The following CTNND2 variants were observed in gnomAD, a reference collection of about 807,000 sequenced individuals.
CTNND2 encodes catenin delta 2.
CTNND2 carries 22 observed loss-of-function variants against 144.4 expected under a neutral mutation model. The observed-to-expected ratio is 0.15, with a 90% CI of 0.11 to 0.22. CTNND2 has a LOEUF of 0.22. Ranked by LOEUF, CTNND2 falls within the 10% of genes least tolerant of loss-of-function variation. CTNND2 has a pLI of 1.00. For synonymous variants in CTNND2, 751 were observed against 695.6 expected (o/e 1.08, Z -1.25); for missense variants, 1,353 against 1,618.8 (o/e 0.84, Z 2.82).
intron 2 of CTNND2, among the ~76,000 whole-genome samples, chr5:11,623,802 G>GTA (rs1561631097): frequency 1.3e-4 from 5 of 38,544 alleles, no homozygotes; most frequent in African/African-American, 5.3e-4. Flanking sequence ...ATATATATGT[G>GTA]TGTATGTATA....
chr5:11,089,517 T>C (rs1258274522), intron 15 of CTNND2, among the ~76,000 whole-genome samples: 1 of 152,248 alleles, frequency 6.6e-6, no homozygotes, highest in Non-Finnish European at 1.5e-5. Context: ...TTGTCTTGTC[T>C]TTTTTGGCCC....
At chr5:11,151,337 G>T (rs1757742405) in intron 12 of CTNND2, among the ~76,000 whole-genome samples, 2 of 152,170 alleles carry the variant, frequency 1.3e-5, no homozygotes, top group African/African-American at 4.8e-5. Flanking sequence ...GCAGCAGGAA[G>T]AAAAATTACA....
chr5:11,142,248 C>T (rs1419338432), intron 12 of CTNND2, among the ~76,000 whole-genome samples: 1 of 152,196 alleles, frequency 6.6e-6, no homozygotes, highest in Non-Finnish European at 1.5e-5. Context: ...GATGCCAATA[C>T]TAATGTACTC....
At chr5:11,450,923 AT>A (rs1765261189) in intron 3 of CTNND2, among the ~76,000 whole-genome samples, 5 of 139,018 alleles carry the variant, frequency 3.6e-5, no homozygotes, top group African/African-American at 1.4e-4. Flanking sequence ...AAAAAAAAAA[AT>A]GTGTTCCAAA....
chr5:11,164,942 T>G (rs1759155795), intron 11 of CTNND2, among the ~76,000 whole-genome samples: 1 of 152,122 alleles, frequency 6.6e-6, no homozygotes, highest in Non-Finnish European at 1.5e-5. Context: ...AGCTACAGAA[T>G]CCCTGGCATA....
At chr5:11,508,654 G>C (rs1266382720) in intron 3 of CTNND2, among the ~76,000 whole-genome samples, 1 of 152,212 alleles carries the variant, frequency 6.6e-6, no homozygotes, top group East Asian at 1.9e-4. Flanking sequence ...GTTCACACCT[G>C]TAATCCCAGC....
chr5:11,244,917 T>C (rs1313331234), intron 9 of CTNND2, among the ~76,000 whole-genome samples: 1 of 152,168 alleles, frequency 6.6e-6, no homozygotes, highest in Non-Finnish European at 1.5e-5. Context: ...CATATAAAAT[T>C]TGTATTATTA....
rs138484266 is a variant in CTNND2, at chr5:11,196,957, T to C, written c.1975+2491A>G. On this transcript the variant is annotated intron_variant, in intron 11 of 21. Transcript: ENST00000304623. ...GCTGGCTTTGGCTTGCTTTACATCATTGAGGCAATGACTGTGCAGATGTCA... is the reference window on the plus strand; with the variant it reads ...GCTGGCTTTGGCTTGCTTTACATCACTGAGGCAATGACTGTGCAGATGTCA... Among the ~76,000 whole-genome samples, 205 of 152,346 alleles carry C rather than the reference T, an allele frequency of 1.3e-3. 2 individuals are homozygous for C. Among genetic ancestry groups the C allele is most frequent in the Middle Eastern group, 6.8e-3 (2 of 294 alleles).
intron 7 of CTNND2, among the ~76,000 whole-genome samples, chr5:11,376,322 G>GTGCGTGTGTGTGTGTTCATGTATC (rs60937559): frequency 0.76 from 111,264 of 145,774 alleles, 42,683 homozygotes; most frequent in Non-Finnish European, 0.83. Flanking sequence ...TTGTGTGTGT[G>GTGCGTGTGTGTGTGTTCATGTATC]TGTGTGTGTG....
intron 3 of CTNND2, among the ~76,000 whole-genome samples, chr5:11,474,115 A>T (rs1182448233): frequency 1.3e-5 from 2 of 152,254 alleles, no homozygotes; most frequent in East Asian, 3.8e-4. Flanking sequence ...TTGTCTGGAG[A>T]AAAACCTTCA....
chr5:11,809,520 A>G (rs189560433), intron 1 of CTNND2, among the ~76,000 whole-genome samples: 107 of 152,346 alleles, frequency 7.0e-4, no homozygotes, highest in Middle Eastern at 6.8e-3. Context: ...ACAAATGATC[A>G]ACAAAGAGTA....
At chr5:11,090,333 A>G (rs1302841463) in intron 15 of CTNND2, among the ~76,000 whole-genome samples, 1 of 152,210 alleles carries the variant, frequency 6.6e-6, no homozygotes, top group African/African-American at 2.4e-5. Flanking sequence ...ATGTACAGGT[A>G]GTTTTACAAG....
intron 2 of CTNND2, among the ~76,000 whole-genome samples, chr5:11,599,743 G>A (rs1779685615): frequency 6.6e-6 from 1 of 152,272 alleles, no homozygotes; most frequent in African/African-American, 2.4e-5. Context: ...CGAAAATGGA[G>A]TTTAGACTTT....
intron 1 of CTNND2, among the ~76,000 whole-genome samples, chr5:11,808,752 A>G (rs1450238202): frequency 6.6e-6 from 1 of 152,208 alleles, no homozygotes. Flanking sequence ...TTCCTAACAC[A>G]GTAATGTTTC....
At chr5:11,081,711 C>T (rs143580201) in intron 16 of CTNND2, among the ~76,000 whole-genome samples, 9 of 152,248 alleles carry the variant, frequency 5.9e-5, no homozygotes, top group African/African-American at 1.7e-4. Context: ...AATCCTTATG[C>T]TAAGTGAAAA....
chr5:11,393,166 G>A (rs1280588605), intron 6 of CTNND2, among the ~76,000 whole-genome samples: 1 of 152,194 alleles, frequency 6.6e-6, no homozygotes, highest in Non-Finnish European at 1.5e-5. Flanking sequence ...AAATAGATAA[G>A]CCAGATCAAA....
chr5:11,464,108 C>T (rs1414971337), intron 3 of CTNND2, among the ~76,000 whole-genome samples: 1 of 152,146 alleles, frequency 6.6e-6, no homozygotes, highest in Non-Finnish European at 1.5e-5. Flanking sequence ...TTTGTTCATT[C>T]ATTCATCTGA....
At chr5:11,256,959 A>G (rs1744316754) in intron 9 of CTNND2, among the ~76,000 whole-genome samples, 1 of 152,190 alleles carries the variant, frequency 6.6e-6, no homozygotes, top group Non-Finnish European at 1.5e-5. Context: ...CCAAGCTGTG[A>G]CAACTAAAAA....
rs185287653 is a variant in CTNND2, at chr5:11,509,300, A to G, written c.287+55644T>C. On this transcript the variant is annotated intron_variant, in intron 3 of 21. Coordinates refer to ENST00000304623, the MANE Select transcript of CTNND2 (RefSeq NM_001332.4). ...TGTAAATACAGGCATTTAGACTTAT[A>G]AAAGGTGCCTATAAAACAGATAGAA... 2.8e-3 allele frequency among the ~76,000 whole-genome samples: 428 copies of G among 152,328 alleles called. 3 individuals carry two copies. The highest frequency in any genetic ancestry group is 4.9e-3 in the Non-Finnish European group (330 of 68,026).
Sources: allele counts gnomAD v4.1 joint callset (sites outside exome capture counted in the v4.1 genomes callset), GRCh38; gene constraint gnomAD v4.1.1; transcripts MANE v1.5; gene names NCBI Gene and HGNC (gene_info 2026-07-23, HGNC 2026-07-21).